The following USP7 variants were observed in gnomAD, a reference collection of about 807,000 sequenced individuals.
USP7 encodes the protein ubiquitin C-terminal hydrolase 7.
Under a neutral mutation model 162.9 loss-of-function variants are expected in USP7, and 9 were observed. The ratio of observed to expected loss-of-function variants is 0.06; its 90% CI spans 0.03 to 0.10. The LOEUF is 0.10. Among genes scored for constraint, USP7 ranks in the 10% least tolerant of loss-of-function variants. The pLI, the probability that USP7 is intolerant of heterozygous loss-of-function variation, is 1.00. For synonymous variants in USP7, 562 were observed against 475.9 expected, an observed-to-expected ratio of 1.18 and a Z score of -2.35; for missense variants, 715 against 1,373.7, an observed-to-expected ratio of 0.52 and a Z score of 7.58.
At position 8,963,253 on chromosome 16, in the gene USP7, T is replaced by C; in HGVS notation, c.33A>G (p.Lys11=). The C allele has an allele frequency of 1.5e-6, 2 of 1,378,648 alleles. No individual in the cohort carries two copies. The highest frequency in any genetic ancestry group is 3.6e-5 in the East Asian group (1 of 27,504). 85.4% of individuals were successfully genotyped at this position (1,378,648 alleles called of 1,614,324 possible). A position where few individuals can be genotyped will look rare whatever the true frequency, so the allele number is the denominator to read the frequency against. The change falls in exon 1 of 31, where the codon AAA becomes AAG. Residue 11 remains lysine (K), a synonymous_variant. Coordinates refer to ENST00000344836, the MANE Select transcript of USP7 (RefSeq NM_003470.3). ...GCTCGCTCAACTGCTGCTCGCCCGC[T>C]TTCTGCTGCTGCTGCTGCTGCTGGT... The part of the protein sequence containing the change: MNHQQQQQQQ[K]AGEQQLSEPE...
chr16:8,907,310 G>A (rs1264401178), intron 12 of USP7, among the ~76,000 whole-genome samples: 1 of 152,224 alleles, frequency 6.6e-6, no homozygotes, highest in Non-Finnish European at 1.5e-5. Flanking sequence ...TTGGTCTGAA[G>A]GCTGCCAGTT....
chr16:8,952,834 C>G (rs988184634), intron 1 of USP7, among the ~76,000 whole-genome samples: 2 of 151,228 alleles, frequency 1.3e-5, no homozygotes, highest in Non-Finnish European at 3.0e-5. Flanking sequence ...TGTGACCACA[C>G]TCGCTTTTTT....
intron 14 of USP7, among the ~76,000 whole-genome samples, chr16:8,904,799 A>G (rs1430374840): frequency 6.6e-6 from 1 of 151,128 alleles, no homozygotes; most frequent in Non-Finnish European, 1.5e-5. Context: ...AAAATAAAAT[A>G]AAAATAAAAT....
intron 8 of USP7, 121 bp downstream of exon 8, chr16:8,916,381 C>T: frequency 9.4e-7 from 1 of 1,058,552 alleles, no homozygotes; most frequent in Non-Finnish European, 1.4e-6. Flanking sequence ...TAGCCTAAGT[C>T]TGATCCTAAA....
intron 12 of USP7, among the ~76,000 whole-genome samples, chr16:8,907,700 G>A (rs2061882481): frequency 6.6e-6 from 1 of 152,124 alleles, no homozygotes; most frequent in African/African-American, 2.4e-5. Context: ...AAATTAGCCA[G>A]GTACTTGGAA....
chr16:8,895,699 T>C lies in USP7; in HGVS notation c.2862A>G (p.Gln954=), dbSNP rs756374484. Residue 954 remains glutamine (Q), a synonymous_variant, in exon 27 of 31, where the codon CAA becomes CAG. Coordinates refer to ENST00000344836, the MANE Select transcript of USP7 (RefSeq NM_003470.3). Reference sequence around the variant, plus strand: ...ATAAACATTCTAATAGTTCATCTTCTTGATGAACACCAATGATTTTGTAGC... The same window carrying C: ...ATAAACATTCTAATAGTTCATCTTCCTGATGAACACCAATGATTTTGTAGC... ...IVSYKIIGVH[Q]EDELLECLSP... is the part of the protein sequence containing the mutation. The C allele has an allele frequency of 7.4e-6, 12 of 1,613,334 alleles. No homozygotes were observed. Among genetic ancestry groups the C allele is most frequent in the Non-Finnish European group, 3.4e-6 (4 of 1,179,868 alleles).
chr16:8,934,792 G>C (rs1237534216), intron 1 of USP7, among the ~76,000 whole-genome samples: 2 of 152,242 alleles, frequency 1.3e-5, no homozygotes, highest in Non-Finnish European at 2.9e-5. Flanking sequence ...GAGTACATAA[G>C]GGGTGGGTCC....
At chr16:8,958,146 C>T (rs974565455) in intron 1 of USP7, among the ~76,000 whole-genome samples, 2 of 152,172 alleles carry the variant, frequency 1.3e-5, no homozygotes, top group African/African-American at 4.8e-5. Context: ...AACAAGCCAA[C>T]GGTGTAGAAG....
At chr16:8,896,363 G>A (rs1657077) in intron 26 of USP7, among the ~76,000 whole-genome samples, 149,783 of 152,236 alleles carry the variant, frequency 0.98, 73,732 homozygotes, top group East Asian at 1. Context: ...CGTTTTCCTC[G>A]CTTACTCTTA....
At chr16:8,954,727 A>C (rs1264625678) in intron 1 of USP7, among the ~76,000 whole-genome samples, 2 of 152,202 alleles carry the variant, frequency 1.3e-5, no homozygotes, top group African/African-American at 4.8e-5. Context: ...CTGTAATCCC[A>C]GCACTTTGGG....
intron 22 of USP7, 180 bp from the exon 23 acceptor site, chr16:8,899,368 T>A: frequency 2.7e-6 from 2 of 744,056 alleles, no homozygotes; most frequent in Admixed American, 2.9e-5. Context: ...GCATATCTGA[T>A]GAAGATAACT....
intron 1 of USP7, among the ~76,000 whole-genome samples, chr16:8,942,730 G>T (rs1209592961): frequency 6.6e-6 from 1 of 152,028 alleles, no homozygotes; most frequent in East Asian, 1.9e-4. Flanking sequence ...GTATTTTTTT[G>T]TAGAGACTGG....
At chr16:8,917,188 C>T (rs1312071131) in intron 6 of USP7, 32 bp from the exon 7 acceptor site, 7 of 1,571,494 alleles carry the variant, frequency 4.5e-6, no homozygotes, top group Non-Finnish European at 6.0e-6. Flanking sequence ...AATTTTTACT[C>T]TGAGAAGATG....
chr16:8,901,948 T>G, intron 18 of USP7, 134 bp downstream of exon 18: 1 of 751,324 alleles, frequency 1.3e-6, no homozygotes, highest in Non-Finnish European at 2.2e-6. Flanking sequence ...TCAGGAAGTC[T>G]AGTGAGCTTT....
chr16:8,941,648 T>C (rs989062882), intron 1 of USP7, among the ~76,000 whole-genome samples: 1 of 152,196 alleles, frequency 6.6e-6, no homozygotes, highest in Non-Finnish European at 1.5e-5. Flanking sequence ...TAGCCTTGCT[T>C]GGTACCAGGA....
intron 1 of USP7, among the ~76,000 whole-genome samples, chr16:8,939,826 G>A (rs976055214): frequency 3.9e-5 from 6 of 152,198 alleles, no homozygotes; most frequent in Admixed American, 6.5e-5. Flanking sequence ...CTGGCCGAGC[G>A]CAGTGGCTCA....
rs578109065 is a variant in USP7 at position 8,918,887 on chromosome 16, G to T, written c.720+144C>A. 105 of 789,822 alleles carry T rather than the reference G, an allele frequency of 1.3e-4. 1 individual carries two copies. In the African/African-American group the frequency reaches 1.6e-3, roughly 12 times the overall value. 48.9% of individuals were successfully genotyped at this position (789,822 alleles called of 1,614,324 possible). A position where few individuals can be genotyped will look rare whatever the true frequency, so the allele number is the denominator to read the frequency against. Reference sequence around the variant, plus strand: ...AGTAGGTGTCCCAGCACTGGGGAATGAAAACGCAGCATGAACTAGCAGCCA... The same window carrying T: ...AGTAGGTGTCCCAGCACTGGGGAATTAAAACGCAGCATGAACTAGCAGCCA... On this transcript the variant is annotated intron_variant, in intron 6 of 30. Coordinates refer to ENST00000344836, the MANE Select transcript of USP7 (RefSeq NM_003470.3).
chr16:8,897,184 C>A, intron 25 of USP7, 85 bp from the exon 26 acceptor site: 1 of 1,070,648 alleles, frequency 9.3e-7, no homozygotes, highest in Non-Finnish European at 1.4e-6. Context: ...AAAGTTGCAT[C>A]ATTGTTCTCA....
At chr16:8,899,498 C>T in intron 22 of USP7, 106 bp downstream of exon 22, 1 of 1,424,082 alleles carries the variant, frequency 7.0e-7, no homozygotes, top group Admixed American at 2.0e-5. Context: ...GGGCATAGCC[C>T]CTTCTGAACC....
Sources: allele counts gnomAD v4.1 joint callset (sites outside exome capture counted in the v4.1 genomes callset), GRCh38; gene constraint gnomAD v4.1.1; transcripts MANE v1.5; gene names NCBI Gene and HGNC (gene_info 2026-07-23, HGNC 2026-07-21).